The following CACNG7 variants were observed in gnomAD, a reference collection of about 807,000 sequenced individuals.
CACNG7 encodes the protein voltage-dependent calcium channel gamma-7 subunit.
A neutral mutation model predicts 26.3 loss-of-function variants in CACNG7; 9 were observed. That is an observed-to-expected ratio of 0.34 (90% confidence interval 0.21 to 0.60). The LOEUF is 0.60. Ranked by LOEUF, CACNG7 falls within the 20% of genes least tolerant of loss-of-function variation. The pLI is 0.81. For missense variants in CACNG7, 297 were observed against 380.4 expected, an observed-to-expected ratio of 0.78 and a Z score of 1.82; for synonymous variants, 170 against 157.0, an observed-to-expected ratio of 1.08 and a Z score of -0.62.
intron 4 of CACNG7, among the ~76,000 whole-genome samples, chr19:53,932,466 C>CTGAGT (rs144620513): frequency 0.055 from 8,413 of 152,012 alleles, 799 homozygotes; most frequent in African/African-American, 0.19. Flanking sequence ...CAGTATATCT[C>CTGAGT]TGAGTTATAA....
chr19:53,923,432 G>A (rs937035415), intron 4 of CACNG7, among the ~76,000 whole-genome samples: 2 of 142,550 alleles, frequency 1.4e-5, no homozygotes, highest in Admixed American at 1.4e-4. Context: ...TCTGGTATTG[G>A]TGGAGTTGTC....
chr19:53,921,632 CGT>C (rs2068954303), intron 4 of CACNG7, among the ~76,000 whole-genome samples: 1 of 33,906 alleles, frequency 2.9e-5, no homozygotes. Flanking sequence ...TTGGTGGAGT[CGT>C]CCCCAGGTCT....
intron 4 of CACNG7, among the ~76,000 whole-genome samples, chr19:53,924,544 G>C (rs2069005523): frequency 6.6e-6 from 1 of 150,752 alleles, no homozygotes; most frequent in Middle Eastern, 3.4e-3. Flanking sequence ...TCTGGTATTG[G>C]TGGAGTTGTC....
rs552680274 is a variant in CACNG7, at chr19:53,927,617, C to T, written c.424+12112C>T. On this transcript the variant is annotated intron_variant, in intron 4 of 5. Coordinates refer to ENST00000391767, the MANE Select transcript of CACNG7 (RefSeq NM_031896.5). The stretch of plus-strand genomic sequence containing the variant: ...CATTGGGAGGCCGAGGCAGGCAGGT[C>T]ACCTGAGGTTAGGAGTTCGAGACCA... Among the ~76,000 whole-genome samples, 31 of 152,242 alleles carry T rather than the reference C, an allele frequency of 2.0e-4. No homozygotes were observed. In the Middle Eastern group the frequency reaches 0.014, roughly 67 times the overall value.
intron 4 of CACNG7, among the ~76,000 whole-genome samples, chr19:53,920,971 G>A (rs2068942987): frequency 1.1e-5 from 1 of 94,922 alleles, no homozygotes; most frequent in African/African-American, 5.5e-5. Context: ...ACTTGCCCCA[G>A]GCTGGTCATT....
chr19:53,942,262 A>C lies in CACNG7; in HGVS notation c.797A>C (p.Asp266Ala), dbSNP rs746425603. ...QNYPPAIKYP[D>A]HLHISTSPC Reference sequence around the variant, plus strand: ...TACCCTCCCGCCATCAAGTACCCGGACCACCTGCACATCTCCACCTCGCCC... The same window carrying C: ...TACCCTCCCGCCATCAAGTACCCGGCCCACCTGCACATCTCCACCTCGCCC... The change falls in exon 6 of 6, where the codon GAC becomes GCC. Residue 266 changes from aspartate to alanine, a missense_variant. Asp to Ala is a moderately radical substitution (Grantham distance 126). Transcript: ENST00000391767. The surrounding 1 kb of genome is among the most constrained non-coding windows in gnomAD (Gnocchi z 5.9). The C allele has an allele frequency of 6.2e-7, 1 of 1,612,972 alleles. No homozygotes were observed. The highest frequency in any genetic ancestry group is 8.5e-7 in the Non-Finnish European group (1 of 1,179,722).
In CACNG7 at chr19:53,942,596, TC is replaced by T; in HGVS notation, c.*304del. The T allele has an allele frequency of 7.9e-7, 1 of 1,266,614 alleles. No individual in the cohort carries two copies. Among genetic ancestry groups the T allele is most frequent in the Middle Eastern group, 3.1e-4 (1 of 3,268 alleles). 78.5% of individuals were successfully genotyped at this position (1,266,614 alleles called of 1,614,324 possible). On this transcript the variant is annotated 3_prime_UTR_variant, in exon 6 of 6. Coordinates refer to ENST00000391767, the MANE Select transcript of CACNG7 (RefSeq NM_031896.5). This position sits in a 1 kb window ranked among gnomAD's most constrained non-coding sequence, Gnocchi z 5.9. ...CTCTCCAAGAAAATTAGCTCCTCCC[TC>T]GTTCTCCACCTGCTCTGAGCTGGGA...
At position 53,912,638 on chromosome 19, in the gene CACNG7, C is replaced by T; in HGVS notation, c.-29-165C>T. On this transcript the variant is annotated intron_variant, in intron 1 of 5. Coordinates refer to ENST00000391767, the MANE Select transcript of CACNG7 (RefSeq NM_031896.5). This position sits in a 1 kb window ranked among gnomAD's most constrained non-coding sequence, Gnocchi z 4.6. ...AGGCTCAACAGTTGGTGTCTCTGGTCAGACTCTAGGGTTGGGGTCATGGGT... is the reference window on the plus strand; with the variant it reads ...AGGCTCAACAGTTGGTGTCTCTGGTTAGACTCTAGGGTTGGGGTCATGGGT... The T allele has an allele frequency of 1.7e-6, 1 of 579,710 alleles. No individual in the cohort carries two copies. The highest frequency in any genetic ancestry group is 2.2e-5 in the South Asian group (1 of 44,956). The allele number at this position is 579,710 out of a possible 1,614,324, so 35.9% of individuals were successfully genotyped here. A position where few individuals can be genotyped will look rare whatever the true frequency, so the allele number is the denominator to read the frequency against.
intron 1 of CACNG7, among the ~76,000 whole-genome samples, chr19:53,911,020 G>C (rs953861884): frequency 6.7e-6 from 1 of 148,730 alleles, no homozygotes; most frequent in Admixed American, 6.6e-5. Flanking sequence ...TGACTGGGGT[G>C]CTCTGATGAG....
intron 4 of CACNG7, among the ~76,000 whole-genome samples, chr19:53,925,233 CTTGCCCCAGGTCTGGTCATTGGTGGAG>C (rs1568778333): frequency 2.3e-4 from 31 of 133,252 alleles, no homozygotes; most frequent in African/African-American, 7.6e-4. Context: ...CATTGGCGGA[CTTGCCCCAGGTCTGGTCATTGGTGGAG>C]TTGCCCCAGG....
chr19:53,925,377 G>A (rs1599986662), intron 4 of CACNG7, among the ~76,000 whole-genome samples: 1 of 151,090 alleles, frequency 6.6e-6, no homozygotes, highest in Non-Finnish European at 1.5e-5. Context: ...AGTTGCCCCA[G>A]GTCTGGTATT....
At position 53,942,188 on chromosome 19, in the gene CACNG7, G is replaced by A; in HGVS notation, c.723G>A (p.Arg241=). 2.5e-6 allele frequency: 4 copies of A among 1,614,020 alleles called. No individual in the cohort carries two copies. Among genetic ancestry groups the A allele is most frequent in the Non-Finnish European group, 1.7e-6 (2 of 1,179,958 alleles). ...FLQPEAWRRG[R]SPSDISSDVS... The stretch of plus-strand genomic sequence containing the variant: ...AGCCCGAGGCGTGGCGCCGCGGCCG[G>A]AGCCCCTCCGACATCTCCAGCGACG... The change falls in exon 6 of 6, where the codon CGG becomes CGA. Residue 241 remains arginine (R), a synonymous_variant. Transcript: ENST00000391767. The surrounding 1 kb of genome is among the most constrained non-coding windows in gnomAD (Gnocchi z 5.9).
At chr19:53,936,143 G>A (rs935512565) in intron 4 of CACNG7, among the ~76,000 whole-genome samples, 2 of 148,158 alleles carry the variant, frequency 1.3e-5, no homozygotes, top group Admixed American at 6.9e-5. Flanking sequence ...TGACGTTTTT[G>A]AAGAGTGCAG....
intron 4 of CACNG7, among the ~76,000 whole-genome samples, chr19:53,927,840 A>AAT (rs1292213205): frequency 7.1e-6 from 1 of 141,192 alleles, no homozygotes; most frequent in African/African-American, 2.9e-5. Flanking sequence ...CTCCATCTCA[A>AAT]AAAAAAAAAA....
intron 4 of CACNG7, among the ~76,000 whole-genome samples, chr19:53,929,747 A>G (rs1184705762): frequency 2.6e-5 from 4 of 152,066 alleles, no homozygotes; most frequent in Non-Finnish European, 1.5e-5. Flanking sequence ...CCAGCCTATA[A>G]TCACTCCCTT....
intron 4 of CACNG7, among the ~76,000 whole-genome samples, chr19:53,920,700 T>C (rs141527334): frequency 0.3 from 23,139 of 77,870 alleles, 4,844 homozygotes; most frequent in African/African-American, 0.43. Flanking sequence ...GTGGACTTGC[T>C]CCAGGTCTGG....
intron 4 of CACNG7, among the ~76,000 whole-genome samples, chr19:53,921,830 T>TCTGGTCATTGGTGGAGTTGTCCCAGG (rs1555810638): frequency 4.8e-5 from 4 of 83,480 alleles, no homozygotes; most frequent in African/African-American, 8.7e-5. Context: ...TTGCCCCAGG[T>TCTGGTCATTGGTGGAGTTGTCCCAGG]CTGGTCATTG....
chr19:53,931,889 G>A (rs2069075254), intron 4 of CACNG7, among the ~76,000 whole-genome samples: 1 of 148,910 alleles, frequency 6.7e-6, no homozygotes, highest in African/African-American at 2.5e-5. Context: ...AGCCTCCCGA[G>A]TAGCTGGGAC....
intron 4 of CACNG7, 41 bp downstream of exon 4, chr19:53,915,546 G>T: frequency 6.2e-7 from 1 of 1,609,462 alleles, no homozygotes; most frequent in Non-Finnish European, 8.5e-7. Context: ...ACCATTTCCA[G>T]TTCCAGGGAC....
Sources: gnomAD v4.1 joint callset for allele counts (sites outside exome capture counted in the v4.1 genomes callset) on GRCh38, gnomAD v4.1.1 for gene constraint, Gnocchi (gnomAD v3.1) non-coding constraint, MANE v1.5 for transcripts, NCBI Gene and HGNC (gene_info 2026-07-23, HGNC 2026-07-21) for gene names.